CRACR2A: variants seen among roughly 807,000 people sequenced by gnomAD.
The protein encoded by CRACR2A is calcium release activated channel regulator 2A, also known as EF-hand calcium-binding domain-containing protein 4B.
Under a neutral mutation model 90.5 loss-of-function variants are expected in CRACR2A, and 79 were observed. The ratio of observed to expected loss-of-function variants is 0.87; its 90% CI spans 0.73 to 1.05. The LOEUF is 1.05. CRACR2A is among the 50% of genes least tolerant of loss of function. CRACR2A has a pLI of 0.00. For synonymous variants in CRACR2A, 338 were observed against 356.7 expected, an observed-to-expected ratio of 0.95 and a Z score of 0.59; for missense variants, 823 against 897.2, an observed-to-expected ratio of 0.92 and a Z score of 1.06.
chr12:3,672,816 G>T (rs1565484021), intron 7 of CRACR2A: 1 of 985,400 alleles, frequency 1.0e-6, no homozygotes, highest in Admixed American at 6.1e-5. Flanking sequence ...AACAATGCTT[G>T]GTCCTGTCTC....
At chr12:3,666,354 T>TGTGTGTGTGTGTGTGTGTGC (rs372810487) in intron 7 of CRACR2A, among the ~76,000 whole-genome samples, 10 of 145,052 alleles carry the variant, frequency 6.9e-5, no homozygotes, top group African/African-American at 2.5e-4. Flanking sequence ...TGTGTGTGTG[T>TGTGTGTGTGTGTGTGTGTGC]GCGTGCGTGT....
At chr12:3,674,602 A>G (rs371654336) in intron 6 of CRACR2A, among the ~76,000 whole-genome samples, 20 of 152,396 alleles carry the variant, frequency 1.3e-4, no homozygotes, top group African/African-American at 4.6e-4. Flanking sequence ...TGAAAGTTAT[A>G]TAATAATAAA....
intron 14 of CRACR2A, among the ~76,000 whole-genome samples, chr12:3,637,659 C>A (rs1191983100): frequency 6.6e-6 from 1 of 151,642 alleles, no homozygotes; most frequent in African/African-American, 2.4e-5. Flanking sequence ...CTTTTACGTG[C>A]CCACCCTATC....
At chr12:3,617,594 G>T (rs947591505) in intron 18 of CRACR2A, among the ~76,000 whole-genome samples, 1 of 152,204 alleles carries the variant, frequency 6.6e-6, no homozygotes, top group Non-Finnish European at 1.5e-5. Context: ...TACTCTAGCT[G>T]CCCTGGCTGT....
At chr12:3,664,770 G>GC (rs2137529130) in intron 7 of CRACR2A, among the ~76,000 whole-genome samples, 2 of 152,310 alleles carry the variant, frequency 1.3e-5, no homozygotes, top group South Asian at 4.1e-4. Flanking sequence ...ACTTTGAGAG[G>GC]CCAAGGTGGG....
intron 3 of CRACR2A, among the ~76,000 whole-genome samples, chr12:3,708,181 G>A (rs188697473): frequency 9.2e-5 from 14 of 152,298 alleles, no homozygotes; most frequent in Non-Finnish European, 1.6e-4. Flanking sequence ...AGAGCCAGAA[G>A]TGCCTGGAAG....
intron 3 of CRACR2A, among the ~76,000 whole-genome samples, chr12:3,703,493 C>A (rs1267659974): frequency 6.6e-6 from 1 of 152,178 alleles, no homozygotes; most frequent in South Asian, 2.1e-4. Flanking sequence ...AAGGAAACAT[C>A]TTTGTGACCT....
At chr12:3,659,518 T>C in intron 8 of CRACR2A, 46 bp downstream of exon 8, 1 of 1,551,826 alleles carries the variant, frequency 6.4e-7, no homozygotes, top group Non-Finnish European at 8.9e-7. Context: ...ACAGAGCAGA[T>C]ATGTCAAGCT....
intron 2 of CRACR2A, among the ~76,000 whole-genome samples, chr12:3,722,673 T>C (rs1444591166): frequency 6.6e-6 from 1 of 152,198 alleles, no homozygotes; most frequent in Non-Finnish European, 1.5e-5. Flanking sequence ...CCTTGCCTTA[T>C]TAGAATAGCT....
intron 4 of CRACR2A, among the ~76,000 whole-genome samples, chr12:3,688,136 G>T (rs530133674): frequency 6.6e-6 from 1 of 152,278 alleles, no homozygotes; most frequent in East Asian, 1.9e-4. Flanking sequence ...CATTCTGTAG[G>T]TTGTCTGTTT....
chr12:3,638,018 C>T, intron 14 of CRACR2A, 106 bp downstream of exon 14: 1 of 1,109,226 alleles, frequency 9.0e-7, no homozygotes, highest in East Asian at 2.6e-5. Flanking sequence ...ATCATAAGAC[C>T]TGCAGCATCT....
chr12:3,647,795 A>C, intron 11 of CRACR2A: 1 of 954,552 alleles, frequency 1.0e-6, no homozygotes, highest in Non-Finnish European at 1.2e-6. Flanking sequence ...TTCAAAAATC[A>C]GAACCCAAAG....
rs754637025 is a variant in CRACR2A, at chr12:3,654,338, T to C, written c.920A>G (p.Lys307Arg). Residue 307 changes from lysine to arginine, a missense_variant, in exon 10 of 20, where the codon AAG becomes AGG. Physicochemically the swap from Lys to Arg is conservative, Grantham distance 26 (BLOSUM62 2). Transcript: ENST00000440314. ...DKHETKAENT[K>R]LKLTNQELAR... ...CAGCTCCTGGTTAGTGAGTTTCAGC[T>C]TGGTATTCTCAGCCTTGGTCTCATG... is the stretch of plus-strand genomic sequence containing the variant. 1.9e-6 allele frequency: 3 copies of C among 1,613,936 alleles called. No homozygotes were observed. The highest frequency in any genetic ancestry group is 2.5e-6 in the Non-Finnish European group (3 of 1,179,936).
intron 7 of CRACR2A, among the ~76,000 whole-genome samples, chr12:3,671,946 T>C (rs1424572301): frequency 6.6e-6 from 1 of 152,174 alleles, no homozygotes; most frequent in Non-Finnish European, 1.5e-5. Flanking sequence ...AGCTAGTAAA[T>C]GGCAGACTCA....
intron 12 of CRACR2A, 77 bp downstream of exon 12, chr12:3,644,518 A>C: frequency 7.2e-7 from 1 of 1,388,028 alleles, no homozygotes; most frequent in Non-Finnish European, 1.0e-6. Flanking sequence ...TTGCTGGGCC[A>C]GTCTCGACAT....
intron 2 of CRACR2A, among the ~76,000 whole-genome samples, chr12:3,716,683 G>A (rs1273224964): frequency 6.6e-6 from 1 of 152,130 alleles, no homozygotes; most frequent in African/African-American, 2.4e-5. Flanking sequence ...TTTTTGGGGG[G>A]CATTGTCCCC....
chr12:3,734,488 C>A (rs1377610312), intron 1 of CRACR2A, among the ~76,000 whole-genome samples: 2 of 152,046 alleles, frequency 1.3e-5, no homozygotes, highest in Admixed American at 6.5e-5. Context: ...AGGTATATGT[C>A]CGAAGGAAAC....
intron 6 of CRACR2A, among the ~76,000 whole-genome samples, chr12:3,676,151 GTAT>G (rs1380548682): frequency 6.6e-6 from 1 of 152,044 alleles, no homozygotes; most frequent in East Asian, 1.9e-4. Flanking sequence ...AACTCAACAA[GTAT>G]TTATTATGAT....
chr12:3,703,533 C>A (rs1246135937), intron 3 of CRACR2A, among the ~76,000 whole-genome samples: 1 of 152,098 alleles, frequency 6.6e-6, no homozygotes, highest in Admixed American at 6.5e-5. Flanking sequence ...TTGGGTATAA[C>A]AACAAAAGTG....
Sources: gnomAD v4.1 joint callset for allele counts (sites outside exome capture counted in the v4.1 genomes callset) on GRCh38, gnomAD v4.1.1 for gene constraint, MANE v1.5 for transcripts, NCBI Gene and HGNC (gene_info 2026-07-23, HGNC 2026-07-21) for gene names.